The following KAZN variants were observed in gnomAD, a reference collection of about 807,000 sequenced individuals.
KAZN encodes kazrin, periplakin interacting protein, also known as kazrin.
In KAZN, 40 loss-of-function variants were observed where a neutral mutation model predicts 87.4. The ratio of observed to expected loss-of-function variants is 0.46; its 90% CI spans 0.36 to 0.60. The LOEUF (loss-of-function observed/expected upper bound fraction) is 0.60. KAZN is among the 20% of genes least tolerant of loss of function. The pLI, the probability that KAZN is intolerant of heterozygous loss-of-function variation, is 0.00. For missense variants in KAZN, 898 were observed against 1,073.9 expected, an observed-to-expected ratio of 0.84 and a Z score of 2.29; for synonymous variants, 466 against 458.3, an observed-to-expected ratio of 1.02 and a Z score of -0.22.
intron 2 of KAZN, among the ~76,000 whole-genome samples, chr1:14,310,851 A>G (rs1655233076): frequency 6.6e-6 from 1 of 152,192 alleles, no homozygotes; most frequent in Non-Finnish European, 1.5e-5. Flanking sequence ...TGAAATTGTC[A>G]CAACAGAGAT....
In KAZN at chr1:15,066,832, C is replaced by T. The variant is rs1357637436; in HGVS notation, c.1222+1079C>T. 1 of 985,410 alleles carries T rather than the reference C, an allele frequency of 1.0e-6. No individual in the cohort carries two copies. Among genetic ancestry groups the T allele is most frequent in the Non-Finnish European group, 1.2e-6 (1 of 829,998 alleles). The allele number at this position is 985,410 out of a possible 1,614,324, so 61.0% of individuals were successfully genotyped here. A position where few individuals can be genotyped will look rare whatever the true frequency, so the allele number is the denominator to read the frequency against. On this transcript the variant is annotated intron_variant, in intron 8 of 14. Coordinates refer to ENST00000376030, the MANE Select transcript of KAZN (RefSeq NM_201628.3). This position sits in a 1 kb window ranked among gnomAD's most constrained non-coding sequence, Gnocchi z 4.3. Reference sequence around the variant, plus strand: ...TCTCTCCTTCTCTCTCTGTCTCTCCCATTCTCCTGCCCATGCATGAAAGGA... The same window carrying T: ...TCTCTCCTTCTCTCTCTGTCTCTCCTATTCTCCTGCCCATGCATGAAAGGA...
At position 14,361,274 on chromosome 1, in the gene KAZN, G is replaced by A. The variant is rs567116066; in HGVS notation, c.249+180682G>A. ...TACTCAAGCCTCAGTAATGGCAGAC[G>A]CCTCTCCCCACACCAACCTCTAGCA... On this transcript the variant is annotated intron_variant, in intron 2 of 16. Coordinates refer to the KAZN transcript ENST00000636203. 5.9e-5 allele frequency among the ~76,000 whole-genome samples: 9 copies of A among 152,300 alleles called. No homozygotes were observed. In the South Asian group the frequency reaches 1.0e-3, roughly 18 times the overall value.
intron 1 of KAZN, among the ~76,000 whole-genome samples, chr1:14,686,442 A>G (rs575906262): frequency 6.6e-6 from 1 of 152,384 alleles, no homozygotes; most frequent in Admixed American, 6.5e-5. Context: ...TTCAAGGCAG[A>G]TATATGTGGT....
chr1:14,466,833 G>A (rs995255179), intron 2 of KAZN, among the ~76,000 whole-genome samples: 1 of 152,130 alleles, frequency 6.6e-6, no homozygotes, highest in Non-Finnish European at 1.5e-5. Flanking sequence ...GCCTGTTGTG[G>A]TGGCGGGCGC....
chr1:15,016,447 G>A (rs1015489618), intron 2 of KAZN, among the ~76,000 whole-genome samples: 4 of 151,872 alleles, frequency 2.6e-5, no homozygotes, highest in South Asian at 2.1e-4. Flanking sequence ...CACCGTGCCC[G>A]GCTCAATTTT....
At position 14,184,077 on chromosome 1, in the gene KAZN, A is replaced by G. The variant is rs980960858; in HGVS notation, c.249+3485A>G. On this transcript the variant is annotated intron_variant, in intron 2 of 16. Transcript: ENST00000636203. This position sits in a 1 kb window ranked among gnomAD's most constrained non-coding sequence, Gnocchi z 4.2. ...AAAGTAAACCCTTCAAAATAAAAAT[A>G]AACCACACAACTGTCATCTCTAAAC... is the stretch of plus-strand genomic sequence containing the variant. 5.3e-5 allele frequency among the ~76,000 whole-genome samples: 8 copies of G among 152,182 alleles called. No individual in the cohort carries two copies. Among genetic ancestry groups the G allele is most frequent in the African/African-American group, 1.9e-4 (8 of 41,446 alleles).
chr1:13,942,500 A>T (rs1453518763), intron 1 of KAZN, among the ~76,000 whole-genome samples: 1 of 132,306 alleles, frequency 7.6e-6, no homozygotes, highest in Admixed American at 8.9e-5. Flanking sequence ...AGATTGCGCC[A>T]CTGCAGTCCG....
intron 1 of KAZN, among the ~76,000 whole-genome samples, chr1:14,843,812 T>A (rs1408800617): frequency 6.6e-6 from 1 of 152,160 alleles, no homozygotes; most frequent in Non-Finnish European, 1.5e-5. Flanking sequence ...TAATCTTGAG[T>A]TTGTCGAACC....
chr1:14,879,796 GTTCAATCTTGTC>G (rs1431356364), intron 1 of KAZN, among the ~76,000 whole-genome samples: 1 of 152,182 alleles, frequency 6.6e-6, no homozygotes, highest in Non-Finnish European at 1.5e-5. Flanking sequence ...ACACAGTCGG[GTTCAATCTTGTC>G]ATCATGGAGG....
At chr1:14,492,860 T>C (rs899865594) in intron 2 of KAZN, among the ~76,000 whole-genome samples, 2 of 147,298 alleles carry the variant, frequency 1.4e-5, no homozygotes, top group African/African-American at 5.0e-5. Flanking sequence ...TACCCATGTG[T>C]GAGCACGCAC....
chr1:14,778,460 T>A (rs1433137761), intron 1 of KAZN, among the ~76,000 whole-genome samples: 1 of 151,612 alleles, frequency 6.6e-6, no homozygotes, highest in Admixed American at 6.6e-5. Flanking sequence ...CATGAGGCAA[T>A]GCCTCCCGTC....
At chr1:14,889,946 A>G (rs1294299350) in intron 1 of KAZN, among the ~76,000 whole-genome samples, 1 of 152,222 alleles carries the variant, frequency 6.6e-6, no homozygotes, top group Non-Finnish European at 1.5e-5. Context: ...TAGTATCATC[A>G]GTGAAAAGAA....
At chr1:14,127,269 A>G (rs924821789) in intron 1 of KAZN, among the ~76,000 whole-genome samples, 3 of 152,222 alleles carry the variant, frequency 2.0e-5, no homozygotes, top group Non-Finnish European at 4.4e-5. Context: ...GCTGCACATA[A>G]AAAGAAAAAT....
chr1:14,278,246 C>T (rs987989518), intron 2 of KAZN, among the ~76,000 whole-genome samples: 5 of 147,172 alleles, frequency 3.4e-5, no homozygotes, highest in South Asian at 2.1e-4. Flanking sequence ...AGTTCTTTAA[C>T]GACATAACAG....
At chr1:14,592,039 C>T (rs1676234379) in intron 2 of KAZN, among the ~76,000 whole-genome samples, 1 of 152,180 alleles carries the variant, frequency 6.6e-6, no homozygotes, top group Non-Finnish European at 1.5e-5. Flanking sequence ...TTCCCTGCTC[C>T]TGGTCCTCTC....
rs6696641 is a variant in KAZN, at chr1:14,074,123, G to T, written c.92-106312G>T. Among the ~76,000 whole-genome samples the T allele has an allele frequency of 3.3e-5, 5 of 152,154 alleles. No homozygotes were observed. In the East Asian group the frequency reaches 9.6e-4, roughly 29 times the overall value. On this transcript the variant is annotated intron_variant, in intron 1 of 16. Transcript: ENST00000636203. ...GCCCACACACTATATGTCTAAATAT[G>T]TGAGAATTACCAACTCAGCTAACAG...
At chr1:15,075,050 A>G (rs568248453) in intron 8 of KAZN, among the ~76,000 whole-genome samples, 1 of 152,294 alleles carries the variant, frequency 6.6e-6, no homozygotes, top group African/African-American at 2.4e-5. Context: ...AGGTAAGTTC[A>G]GCAATTAGCC....
intron 12 of KAZN, 93 bp downstream of exon 12, chr1:15,103,553 TC>T (rs1641171515): frequency 1.2e-6 from 1 of 828,814 alleles, no homozygotes; most frequent in Non-Finnish European, 2.0e-6. Context: ...CACATGCAAA[TC>T]AATATGCAGA....
rs1206989819 is a variant in KAZN, at chr1:14,436,724, A to AC, written c.250-162259_250-162258insC. Among the ~76,000 whole-genome samples, 119 of 127,172 alleles carry AC rather than the reference A, an allele frequency of 9.4e-4. 1 individual carries two copies. Among genetic ancestry groups the AC allele is most frequent in the Non-Finnish European group, 1.5e-3 (88 of 59,920 alleles). 83.4% of individuals were successfully genotyped at this position (127,172 alleles called of 152,430 possible). A position where few individuals can be genotyped will look rare whatever the true frequency, so the allele number is the denominator to read the frequency against. On this transcript the variant is annotated intron_variant, in intron 2 of 16. Coordinates refer to the KAZN transcript ENST00000636203. The stretch of plus-strand genomic sequence containing the variant: ...CAGAGCGAGACTCTGTCTCAAAAAA[A>AC]AAAAAAAAAAAAAACCTTAAAACAA...
Sources: gnomAD v4.1 joint callset for allele counts (sites outside exome capture counted in the v4.1 genomes callset) on GRCh38, gnomAD v4.1.1 for gene constraint, Gnocchi (gnomAD v3.1) non-coding constraint, MANE v1.5 for transcripts, NCBI Gene and HGNC (gene_info 2026-07-23, HGNC 2026-07-21) for gene names.